CAMK1D: variants seen among roughly 807,000 people sequenced by gnomAD.
CAMK1D encodes the protein calcium/calmodulin-dependent protein kinase type 1D.
In CAMK1D, 9 loss-of-function variants were observed where a neutral mutation model predicts 47.7. The ratio of observed to expected loss-of-function variants is 0.19; its 90% CI spans 0.11 to 0.33. CAMK1D has a LOEUF of 0.33. Among genes scored for constraint, CAMK1D ranks in the 10% least tolerant of loss-of-function variants. The pLI, the probability that CAMK1D is intolerant of heterozygous loss-of-function variation, is 1.00. For synonymous variants in CAMK1D, 184 were observed against 184.9 expected (o/e 0.99, Z 0.04); for missense variants, 291 against 488.7 (o/e 0.60, Z 3.81).
intron 1 of CAMK1D, among the ~76,000 whole-genome samples, chr10:12,395,366 C>A (rs1189358561): frequency 1.3e-5 from 2 of 152,060 alleles, no homozygotes; most frequent in Non-Finnish European, 2.9e-5. Flanking sequence ...TCTAATCCTG[C>A]CTTGGTTTTT....
chr10:12,528,284 A>G (rs1835691695), intron 1 of CAMK1D, among the ~76,000 whole-genome samples: 1 of 152,270 alleles, frequency 6.6e-6, no homozygotes, highest in Non-Finnish European at 1.5e-5. Flanking sequence ...ACTATCACAT[A>G]TTAGCACATG....
intron 2 of CAMK1D, among the ~76,000 whole-genome samples, chr10:12,594,815 T>A (rs947550618): frequency 1.3e-5 from 2 of 152,144 alleles, no homozygotes; most frequent in Non-Finnish European, 2.9e-5. Flanking sequence ...CTCGGCCTCA[T>A]GCGGTGTTCA....
chr10:12,366,378 G>T (rs1408793557), intron 1 of CAMK1D, among the ~76,000 whole-genome samples: 3 of 152,126 alleles, frequency 2.0e-5, no homozygotes, highest in Non-Finnish European at 2.9e-5. Context: ...TGTTGGGCTG[G>T]GCTCAGTGGC....
intron 1 of CAMK1D, among the ~76,000 whole-genome samples, chr10:12,362,534 G>A (rs1478264614): frequency 6.6e-6 from 1 of 152,028 alleles, no homozygotes; most frequent in African/African-American, 2.4e-5. Flanking sequence ...GTCTCGCCCC[G>A]TCCCCCAGGC....
rs576128205 is a variant in CAMK1D at position 12,723,655 on chromosome 10, A to AT, written c.300-37286dup. ...ATAGTTACTATGTAAATTGAAAGGC[A>AT]TTTTTTTCTATTAAAATACATCATA... On this transcript the variant is annotated intron_variant, in intron 3 of 10. Coordinates refer to ENST00000619168, the MANE Select transcript of CAMK1D (RefSeq NM_153498.4). 1.7e-4 allele frequency among the ~76,000 whole-genome samples: 26 copies of AT among 152,250 alleles called. No individual in the cohort carries two copies. In the South Asian group the frequency reaches 3.5e-3, roughly 21 times the overall value.
At chr10:12,366,882 C>A (rs1375015012) in intron 1 of CAMK1D, among the ~76,000 whole-genome samples, 1 of 152,030 alleles carries the variant, frequency 6.6e-6, no homozygotes, top group Non-Finnish European at 1.5e-5. Flanking sequence ...GCGGCTTTAT[C>A]CCCTATAAGA....
intron 2 of CAMK1D, among the ~76,000 whole-genome samples, chr10:12,615,891 TGA>T (rs544842019): frequency 6.2e-4 from 94 of 151,678 alleles, no homozygotes; most frequent in African/African-American, 1.4e-3. Context: ...TATGCATAAG[TGA>T]GAGCATGTGC....
In CAMK1D at chr10:12,387,367, ATATATAT is replaced by A. The variant is rs1359297173; in HGVS notation, c.92+37472_92+37478del. ...ATATATTATATTTTATATATATAATATATATATTATATATTATATATATTATATATTT... is the reference window on the plus strand; with the variant it reads ...ATATATTATATTTTATATATATAATATATATATTATATATATTATATATTT... On this transcript the variant is annotated intron_variant, in intron 1 of 10. Coordinates refer to ENST00000619168, the MANE Select transcript of CAMK1D (RefSeq NM_153498.4). Among the ~76,000 whole-genome samples, 77 of 56,882 alleles carry A rather than the reference ATATATAT, an allele frequency of 1.4e-3. 1 individual carries two copies. The highest frequency in any genetic ancestry group is 7.6e-3 in the Admixed American group (26 of 3,420). The allele number at this position is 56,882 out of a possible 152,430, so 37.3% of individuals were successfully genotyped here.
chr10:12,803,258 A>G (rs1838562918), intron 6 of CAMK1D, among the ~76,000 whole-genome samples: 1 of 152,246 alleles, frequency 6.6e-6, no homozygotes, highest in Non-Finnish European at 1.5e-5. Flanking sequence ...TCTATTGTAG[A>G]AAAGTAAATG....
At chr10:12,729,998 G>A (rs779686204) in intron 3 of CAMK1D, among the ~76,000 whole-genome samples, 1 of 152,198 alleles carries the variant, frequency 6.6e-6, no homozygotes, top group Non-Finnish European at 1.5e-5. Context: ...AGGATGCAGA[G>A]CCGCTGGGAG....
chr10:12,533,912 A>C (rs1182611063), intron 1 of CAMK1D, among the ~76,000 whole-genome samples: 1 of 152,184 alleles, frequency 6.6e-6, no homozygotes, highest in Non-Finnish European at 1.5e-5. Context: ...TCACAAGCTG[A>C]TTGCTGGAGA....
intron 2 of CAMK1D, 72 bp from the exon 3 acceptor site, chr10:12,666,664 A>G (rs1202754501): frequency 1.6e-6 from 2 of 1,212,958 alleles, no homozygotes; most frequent in Non-Finnish European, 2.4e-6. Flanking sequence ...TTTTTGCTAC[A>G]ATGCTGTCTG....
chr10:12,467,057 CTTG>C (rs1165744834), intron 1 of CAMK1D, among the ~76,000 whole-genome samples: 3 of 152,110 alleles, frequency 2.0e-5, no homozygotes, highest in East Asian at 1.9e-4. Flanking sequence ...GCCTGAGAAA[CTTG>C]TTGTCAGTAC....
intron 1 of CAMK1D, among the ~76,000 whole-genome samples, chr10:12,481,818 C>A (rs190735796): frequency 6.6e-6 from 1 of 152,290 alleles, no homozygotes; most frequent in Admixed American, 6.5e-5. Context: ...TAAACTCTTT[C>A]TTGTTGCAAT....
intron 1 of CAMK1D, among the ~76,000 whole-genome samples, chr10:12,523,911 AT>A (rs1378005670): frequency 6.6e-6 from 1 of 151,506 alleles, no homozygotes; most frequent in Non-Finnish European, 1.5e-5. Flanking sequence ...TTATTTATTT[AT>A]TTTTTTGAGA....
At chr10:12,399,363 G>A (rs1461864493) in intron 1 of CAMK1D, among the ~76,000 whole-genome samples, 1 of 152,172 alleles carries the variant, frequency 6.6e-6, no homozygotes, top group Admixed American at 6.5e-5. Context: ...AATTAGCTGG[G>A]TGTGGTGGCA....
intron 1 of CAMK1D, among the ~76,000 whole-genome samples, chr10:12,361,248 G>GTT (rs55700646): frequency 1.3e-4 from 16 of 120,066 alleles, no homozygotes; most frequent in African/African-American, 4.3e-4. Flanking sequence ...CTATTTGACT[G>GTT]TTTTTTTTTT....
intron 5 of CAMK1D, among the ~76,000 whole-genome samples, chr10:12,771,332 T>C (rs1014452862): frequency 6.6e-6 from 1 of 152,260 alleles, no homozygotes; most frequent in African/African-American, 2.4e-5. Flanking sequence ...AGCATCACCC[T>C]GTGGGTCTTT....
chr10:12,385,597 G>C (rs377566741), intron 1 of CAMK1D, among the ~76,000 whole-genome samples: 116 of 152,276 alleles, frequency 7.6e-4, no homozygotes, highest in African/African-American at 2.6e-3. Context: ...AAGGCTGGGG[G>C]TTGGAAGATA....
Sources: gnomAD v4.1 joint callset for allele counts (sites outside exome capture counted in the v4.1 genomes callset) on GRCh38, gnomAD v4.1.1 for gene constraint, MANE v1.5 for transcripts, NCBI Gene and HGNC (gene_info 2026-07-23, HGNC 2026-07-21) for gene names.